Variants in PACRG observed in about 807,000 individuals in gnomAD.
The protein encoded by PACRG is parkin coregulated.
Under a neutral mutation model 29.7 loss-of-function variants are expected in PACRG, and 29 were observed. The observed-to-expected ratio is 0.98, with a 90% CI of 0.73 to 1.33. PACRG has a LOEUF of 1.33. Ranked by LOEUF, PACRG falls within the 40% of genes most tolerant of loss-of-function variation. The probability of loss-of-function intolerance (pLI) is 0.00; values close to 1 mark genes in which losing one functional copy is unlikely to be tolerated. For synonymous variants in PACRG, 116 were observed against 118.7 expected, an observed-to-expected ratio of 0.98 and a Z score of 0.15; for missense variants, 279 against 316.2, an observed-to-expected ratio of 0.88 and a Z score of 0.89.
intron 2 of PACRG, among the ~76,000 whole-genome samples, chr6:163,014,232 AC>A: frequency 6.6e-6 from 1 of 152,292 alleles, no homozygotes; most frequent in African/African-American, 2.4e-5. Context: ...TATATGTACC[AC>A]ATTTTCTTTA....
intron 4 of PACRG, among the ~76,000 whole-genome samples, chr6:163,211,373 T>C (rs942004866): frequency 6.6e-6 from 1 of 152,230 alleles, no homozygotes; most frequent in Non-Finnish European, 1.5e-5. Flanking sequence ...AAGGGACAGA[T>C]AGCTGAGGTC....
intron 4 of PACRG, among the ~76,000 whole-genome samples, chr6:163,274,264 A>G (rs1783947828): frequency 2.0e-5 from 3 of 152,090 alleles, no homozygotes; most frequent in African/African-American, 7.2e-5. Context: ...CCCACCTATG[A>G]GTGAGAACAT....
At chr6:163,155,961 T>A (rs981776824) in intron 4 of PACRG, among the ~76,000 whole-genome samples, 7 of 152,230 alleles carry the variant, frequency 4.6e-5, no homozygotes. Context: ...TCCAAATTCA[T>A]CCTTCAGGAT....
intron 2 of PACRG, among the ~76,000 whole-genome samples, chr6:162,913,919 T>C (rs1255728065): frequency 1.3e-5 from 2 of 152,202 alleles, no homozygotes; most frequent in Non-Finnish European, 2.9e-5. Flanking sequence ...CCATTTTTAT[T>C]AGGTTAATTG....
chr6:162,801,433 T>C (rs997071698), intron 1 of PACRG, among the ~76,000 whole-genome samples: 1 of 152,136 alleles, frequency 6.6e-6, no homozygotes, highest in African/African-American at 2.4e-5. Context: ...TACTATCTTA[T>C]ACTGATAGCA....
At chr6:162,907,786 G>C (rs1796032382) in intron 2 of PACRG, among the ~76,000 whole-genome samples, 1 of 152,136 alleles carries the variant, frequency 6.6e-6, no homozygotes, top group South Asian at 2.1e-4. Flanking sequence ...TTGAAAGCAA[G>C]TCCTAAAGTC....
chr6:163,301,160 A>G (rs1171812701), intron 4 of PACRG, among the ~76,000 whole-genome samples: 1 of 152,204 alleles, frequency 6.6e-6, no homozygotes, highest in Non-Finnish European at 1.5e-5. Context: ...TCAGGGCTGC[A>G]TGTCTCACAG....
chr6:162,958,611 A>G (rs1325671996), intron 2 of PACRG, among the ~76,000 whole-genome samples: 1 of 151,894 alleles, frequency 6.6e-6, no homozygotes, highest in Non-Finnish European at 1.5e-5. Flanking sequence ...TCAAGTATTT[A>G]TAATATGTTG....
intron 2 of PACRG, among the ~76,000 whole-genome samples, chr6:163,034,498 C>A (rs1462184891): frequency 6.6e-6 from 1 of 151,988 alleles, no homozygotes; most frequent in East Asian, 1.9e-4. Flanking sequence ...GGTCAAGCAT[C>A]CGTGCCTTTT....
chr6:163,049,819 A>G (rs183834917), intron 2 of PACRG, among the ~76,000 whole-genome samples: 4 of 152,206 alleles, frequency 2.6e-5, no homozygotes, highest in Admixed American at 1.3e-4. Context: ...ACAGGTAGTC[A>G]TTTATTTTTT....
chr6:163,150,524 C>T (rs117427364), intron 4 of PACRG, among the ~76,000 whole-genome samples: 1,778 of 152,356 alleles, frequency 0.012, 12 homozygotes, highest in Middle Eastern at 0.024. Context: ...TCAGGAACAT[C>T]TCCCTCCTGT....
chr6:162,788,260 C>T (rs1784667582), intron 1 of PACRG, among the ~76,000 whole-genome samples: 1 of 152,124 alleles, frequency 6.6e-6, no homozygotes, highest in South Asian at 2.1e-4. Flanking sequence ...TGGAATCATA[C>T]AGTTTGTAGC....
chr6:162,973,788 G>A (rs562425176), intron 2 of PACRG, among the ~76,000 whole-genome samples: 42 of 152,170 alleles, frequency 2.8e-4, no homozygotes, highest in South Asian at 1.2e-3. Flanking sequence ...GTATGCGTGC[G>A]CACGCTATTA....
At chr6:163,088,223 C>G (rs1319641221) in intron 3 of PACRG, among the ~76,000 whole-genome samples, 4 of 152,090 alleles carry the variant, frequency 2.6e-5, no homozygotes, top group Non-Finnish European at 5.9e-5. Context: ...TCCTTTTGTC[C>G]CTTCACAGTG....
At chr6:162,858,997 T>G (rs926826128) in intron 2 of PACRG, among the ~76,000 whole-genome samples, 1 of 152,206 alleles carries the variant, frequency 6.6e-6, no homozygotes, top group Non-Finnish European at 1.5e-5. Context: ...TTTCTTGAGC[T>G]TAAAACAGTA....
chr6:163,095,805 C>T (rs192362197), intron 4 of PACRG, among the ~76,000 whole-genome samples: 18 of 152,308 alleles, frequency 1.2e-4, no homozygotes, highest in African/African-American at 4.1e-4. Flanking sequence ...TAACTACTTT[C>T]ATTGGCAATG....
chr6:163,308,605 G>A (rs1017761035), intron 4 of PACRG, among the ~76,000 whole-genome samples: 3 of 150,614 alleles, frequency 2.0e-5, no homozygotes, highest in Admixed American at 6.6e-5. Flanking sequence ...GGCAGAGGCT[G>A]TAGTGAGCCA....
intron 2 of PACRG, among the ~76,000 whole-genome samples, chr6:162,867,923 G>A (rs1488574455): frequency 6.6e-6 from 1 of 152,152 alleles, no homozygotes; most frequent in Non-Finnish European, 1.5e-5. Context: ...TTTGCTGCTG[G>A]CTCTTGGACG....
chr6:162,861,855 T>G (rs1246125213), intron 2 of PACRG, among the ~76,000 whole-genome samples: 1 of 152,204 alleles, frequency 6.6e-6, no homozygotes, highest in African/African-American at 2.4e-5. Flanking sequence ...GTGTTCATAG[T>G]TTATGACCTG....
Sources: allele counts gnomAD v4.1 joint callset (sites outside exome capture counted in the v4.1 genomes callset), GRCh38; gene constraint gnomAD v4.1.1; transcripts MANE v1.5; gene names NCBI Gene and HGNC (gene_info 2026-07-23, HGNC 2026-07-21).